ITGB6: variants seen among roughly 807,000 people sequenced by gnomAD.
ITGB6 encodes integrin beta-6.
Under a neutral mutation model 84.5 loss-of-function variants are expected in ITGB6, and 80 were observed. The observed-to-expected ratio is 0.95, with a 90% CI of 0.79 to 1.14. ITGB6 has a LOEUF of 1.14. Ranked by LOEUF, ITGB6 falls within the 50% of genes most tolerant of loss-of-function variation. The probability of loss-of-function intolerance (pLI) is 0.00; values close to 1 mark genes in which losing one functional copy is unlikely to be tolerated. For missense variants in ITGB6, 1,006 were observed against 968.0 expected, an observed-to-expected ratio of 1.04 and a Z score of -0.52; for synonymous variants, 383 against 354.9, an observed-to-expected ratio of 1.08 and a Z score of -0.89.
chr2:160,119,551 A>T (rs1474445934), intron 12 of ITGB6, among the ~76,000 whole-genome samples: 1 of 151,918 alleles, frequency 6.6e-6, no homozygotes, highest in Admixed American at 6.6e-5. Context: ...TAGACCTAAA[A>T]CCATAAAAAC....
At chr2:160,152,822 A>C (rs893072704) in intron 7 of ITGB6, among the ~76,000 whole-genome samples, 5 of 152,220 alleles carry the variant, frequency 3.3e-5, no homozygotes, top group Non-Finnish European at 5.9e-5. Flanking sequence ...ACAGAGGGCC[A>C]AATCATGAGT....
intron 4 of ITGB6, among the ~76,000 whole-genome samples, chr2:160,187,061 C>T (rs1685930347): frequency 6.6e-6 from 1 of 152,002 alleles, no homozygotes; most frequent in African/African-American, 2.4e-5. Flanking sequence ...CACATATATA[C>T]CTACGTAACA....
At chr2:160,127,162 G>C (rs549315910) in intron 10 of ITGB6, among the ~76,000 whole-genome samples, 1 of 152,290 alleles carries the variant, frequency 6.6e-6, no homozygotes, top group South Asian at 2.1e-4. Flanking sequence ...GAAATGGCTT[G>C]ACCAAGCTGT....
At position 160,126,513 on chromosome 2, in the gene ITGB6, G is replaced by T; in HGVS notation, c.1749C>A (p.Cys583Ter). The part of the protein sequence containing the change: ...YCNCTTSTDS[C>*]VSEDGVLCSG... ...TGCAGAGCACTCCATCTTCAGAGAC[G>T]CAGGAGTCCGTGCTGGTGGTGCAGT... Residue 583 changes from cysteine (C) to a stop codon, truncating the protein, a stop_gained, in exon 11 of 15, where the codon TGC becomes TGA. Coordinates refer to ENST00000283249, the MANE Select transcript of ITGB6 (RefSeq NM_000888.5). LOFTEE classifies it high-confidence loss of function. The T allele has an allele frequency of 6.2e-7, 1 of 1,614,102 alleles. No homozygotes were observed. Among genetic ancestry groups the T allele is most frequent in the Non-Finnish European group, 8.5e-7 (1 of 1,180,002 alleles).
chr2:160,164,320 T>C (rs1197333933), intron 7 of ITGB6, among the ~76,000 whole-genome samples: 2 of 152,246 alleles, frequency 1.3e-5, no homozygotes, highest in Non-Finnish European at 2.9e-5. Context: ...CTATAGCGTC[T>C]TAGTTTCAAT....
chr2:160,143,352 C>T (rs554996471), intron 7 of ITGB6, among the ~76,000 whole-genome samples: 3 of 152,192 alleles, frequency 2.0e-5, no homozygotes, highest in East Asian at 1.9e-4. Context: ...TTGAAATCTC[C>T]GGAGAGGTCA....
intron 4 of ITGB6, among the ~76,000 whole-genome samples, chr2:160,194,377 C>G (rs1435511635): frequency 6.6e-6 from 1 of 151,054 alleles, no homozygotes; most frequent in African/African-American, 2.5e-5. Context: ...GAGATTGATG[C>G]CTTTGGTGTA....
At chr2:160,148,644 G>T (rs138722490) in intron 7 of ITGB6, among the ~76,000 whole-genome samples, 4 of 152,178 alleles carry the variant, frequency 2.6e-5, no homozygotes, top group East Asian at 3.8e-4. Context: ...GCAGGGCGGG[G>T]CATTGCCTCA....
At chr2:160,136,125 G>A (rs1683703043) in intron 10 of ITGB6, among the ~76,000 whole-genome samples, 1 of 152,126 alleles carries the variant, frequency 6.6e-6, no homozygotes. Flanking sequence ...GCAACCTACA[G>A]AATGGGAGAA....
intron 12 of ITGB6, among the ~76,000 whole-genome samples, chr2:160,117,022 T>A (rs1426236384): frequency 6.6e-6 from 1 of 150,948 alleles, no homozygotes; most frequent in Non-Finnish European, 1.5e-5. Context: ...AGCAAGTCCT[T>A]AGTGACCCAC....
intron 7 of ITGB6, among the ~76,000 whole-genome samples, chr2:160,149,275 C>G (rs1319860750): frequency 1.3e-5 from 2 of 152,238 alleles, no homozygotes; most frequent in African/African-American, 4.8e-5. Context: ...GCGATATTTG[C>G]TGTTCTGCAG....
At chr2:160,138,251 C>A in intron 8 of ITGB6, 52 bp from the exon 9 acceptor site, 1 of 1,500,724 alleles carries the variant, frequency 6.7e-7, no homozygotes, top group Non-Finnish European at 8.9e-7. Context: ...AAAAATATAG[C>A]CAGAAGAAGA....
chr2:160,165,936 G>A (rs1038744918), intron 7 of ITGB6, among the ~76,000 whole-genome samples: 5 of 152,190 alleles, frequency 3.3e-5, no homozygotes, highest in Admixed American at 6.5e-5. Flanking sequence ...TGCTTGTCAC[G>A]CAAAACTCCA....
chr2:160,103,956 T>A (rs1263678093), intron 14 of ITGB6, among the ~76,000 whole-genome samples: 1 of 152,212 alleles, frequency 6.6e-6, no homozygotes, highest in African/African-American at 2.4e-5. Flanking sequence ...ATAACTGATA[T>A]GCATTATAGA....
chr2:160,130,865 A>G (rs2105807570), intron 10 of ITGB6, among the ~76,000 whole-genome samples: 1 of 152,320 alleles, frequency 6.6e-6, no homozygotes, highest in South Asian at 2.1e-4. Flanking sequence ...GCTCAAGTAT[A>G]TTATTGCATG....
chr2:160,147,305 G>A (rs1179050484), intron 7 of ITGB6, among the ~76,000 whole-genome samples: 1 of 152,064 alleles, frequency 6.6e-6, no homozygotes, highest in African/African-American at 2.4e-5. Flanking sequence ...TAGAAGTCAG[G>A]GGAGTTATCT....
chr2:160,179,371 CTTTTCTTTTTTTCT>C (rs1307436523), intron 4 of ITGB6, among the ~76,000 whole-genome samples: 1 of 147,960 alleles, frequency 6.8e-6, no homozygotes, highest in Admixed American at 6.7e-5. Context: ...TCTAGCATTT[CTTTTCTTTTTTTCT>C]TTTTCTTTTT....
chr2:160,187,894 A>T (rs775353102), intron 4 of ITGB6, among the ~76,000 whole-genome samples: 4 of 152,162 alleles, frequency 2.6e-5, no homozygotes, highest in Non-Finnish European at 4.4e-5. Flanking sequence ...TTAATTTTCA[A>T]GAGTCTAAGG....
At chr2:160,135,082 G>A (rs917518402) in intron 10 of ITGB6, among the ~76,000 whole-genome samples, 1 of 151,878 alleles carries the variant, frequency 6.6e-6, no homozygotes, top group African/African-American at 2.4e-5. Context: ...AAGAAATAAA[G>A]GGTATTCAAT....
Sources: gnomAD v4.1 joint callset for allele counts (sites outside exome capture counted in the v4.1 genomes callset) on GRCh38, gnomAD v4.1.1 for gene constraint, MANE v1.5 for transcripts, NCBI Gene and HGNC (gene_info 2026-07-23, HGNC 2026-07-21) for gene names.